Variants in GRIK3 observed in about 807,000 individuals in gnomAD.
GRIK3 encodes glutamate ionotropic receptor kainate type subunit 3, also known as glutamate receptor ionotropic, kainate 3.
A neutral mutation model predicts 102.5 loss-of-function variants in GRIK3; 29 were observed. The observed-to-expected ratio is 0.28, with a 90% confidence interval of 0.21 to 0.39. GRIK3 has a LOEUF of 0.39. GRIK3 is among the 10% of genes least tolerant of loss of function. The pLI, the probability that GRIK3 is intolerant of heterozygous loss-of-function variation, is 1.00. For synonymous variants in GRIK3, 511 were observed against 504.9 expected (o/e 1.01, Z -0.16); for missense variants, 908 against 1,252.4 (o/e 0.73, Z 4.15).
chr1:36,909,714 G>T (rs1240498914), intron 1 of GRIK3, among the ~76,000 whole-genome samples: 9 of 152,108 alleles, frequency 5.9e-5, no homozygotes, highest in Non-Finnish European at 2.9e-5. Flanking sequence ...GGCTCTGAGT[G>T]TGGCAAGAAA....
chr1:37,017,593 C>A (rs1272001851), intron 1 of GRIK3, among the ~76,000 whole-genome samples: 2 of 152,020 alleles, frequency 1.3e-5, no homozygotes, highest in African/African-American at 4.8e-5. Flanking sequence ...CACAGTTGGG[C>A]GTGCCTAGAA....
intron 1 of GRIK3, among the ~76,000 whole-genome samples, chr1:36,926,649 A>G (rs1641531129): frequency 6.6e-6 from 1 of 152,058 alleles, no homozygotes. Context: ...TTGGCCTCCC[A>G]AAGTGCTGGG....
intron 1 of GRIK3, among the ~76,000 whole-genome samples, chr1:37,004,631 C>A (rs918564488): frequency 3.9e-5 from 6 of 152,234 alleles, no homozygotes; most frequent in Admixed American, 1.3e-4. Flanking sequence ...GGTCCCTCCC[C>A]AAGCTTCATG....
At position 36,806,222 on chromosome 1, in the gene GRIK3, G is replaced by A. The variant is rs376711051; in HGVS notation, c.2196C>T (p.Ala732=). ...NEEGIQRALT[A]DYALLMESTT... is the part of the protein sequence containing the mutation. ...TGGACTCCATGAGCAGCGCGTAGTC[G>A]GCCGTCAGGGCCCTCTGGATGCCCT... is the stretch of plus-strand genomic sequence containing the variant. The change falls in exon 14 of 16, where the codon GCC becomes GCT. Residue 732 remains alanine, a synonymous_variant. Coordinates refer to ENST00000373091, the MANE Select transcript of GRIK3 (RefSeq NM_000831.4). The surrounding 1 kb of genome is among the most constrained non-coding windows in gnomAD (Gnocchi z 4.0). 1.5e-5 allele frequency: 25 copies of A among 1,613,912 alleles called. No homozygotes were observed. Among genetic ancestry groups the A allele is most frequent in the Admixed American group, 8.3e-5 (5 of 60,012 alleles).
intron 1 of GRIK3, among the ~76,000 whole-genome samples, chr1:36,939,537 C>A (rs1641697417): frequency 6.6e-6 from 1 of 152,248 alleles, no homozygotes; most frequent in African/African-American, 2.4e-5. Flanking sequence ...TGGCACAACA[C>A]AGCATGTGAG....
chr1:36,962,988 G>A (rs1376214454), intron 1 of GRIK3, among the ~76,000 whole-genome samples: 1 of 152,032 alleles, frequency 6.6e-6, no homozygotes, highest in East Asian at 1.9e-4. Context: ...CAAGGGCAAT[G>A]CAAAGGACAG....
chr1:36,805,924 G>A (rs188319652), intron 14 of GRIK3, among the ~76,000 whole-genome samples, 180 bp downstream of exon 14: 1,093 of 47,124 alleles, frequency 0.023, 19 homozygotes, highest in African/African-American at 0.083. Flanking sequence ...CAACAAAAGC[G>A]AAACTCCACC....
At chr1:36,973,260 C>T (rs1642162647) in intron 1 of GRIK3, among the ~76,000 whole-genome samples, 1 of 152,124 alleles carries the variant, frequency 6.6e-6, no homozygotes, top group South Asian at 2.1e-4. Flanking sequence ...CCTGCGTTGG[C>T]GGCGCTGGAC....
At chr1:36,982,118 G>A (rs1015702131) in intron 1 of GRIK3, among the ~76,000 whole-genome samples, 1 of 152,282 alleles carries the variant, frequency 6.6e-6, no homozygotes. Context: ...AGCCAGGACA[G>A]GTTAGGACAT....
At position 36,859,248 on chromosome 1, in the gene GRIK3, C is replaced by T; in HGVS notation, c.964G>A (p.Asp322Asn). ...SGLLDGVMMT[D>N]AALLYDAVHI... ...ACGGCGTCGTACAGTAAGGCTGCAT[C>T]AGTCTGCAGGGAAGGGCCTGCCTGA... Residue 322 changes from aspartate (D) to asparagine (N), a missense_variant, in exon 7 of 16, where the codon GAT becomes AAT. This residue lies in a region of GRIK3 where 585 missense variants were observed against 824.9 expected (regional missense o/e 0.71). Coordinates refer to ENST00000373091, the MANE Select transcript of GRIK3 (RefSeq NM_000831.4). The T allele has an allele frequency of 6.2e-7, 1 of 1,606,030 alleles. No homozygotes were observed. The highest frequency in any genetic ancestry group is 8.5e-7 in the Non-Finnish European group (1 of 1,174,020).
intron 1 of GRIK3, among the ~76,000 whole-genome samples, chr1:37,029,621 T>C (rs1642799796): frequency 6.6e-6 from 1 of 152,202 alleles, no homozygotes; most frequent in South Asian, 2.1e-4. Flanking sequence ...CTTATACTTC[T>C]CTCAAGAGGA....
chr1:36,983,134 C>T (rs936828936), intron 1 of GRIK3, among the ~76,000 whole-genome samples: 1 of 152,170 alleles, frequency 6.6e-6, no homozygotes, highest in African/African-American at 2.4e-5. Flanking sequence ...TGTGCACACC[C>T]GAGCAGCATG....
chr1:36,858,598 G>C (rs1261334682), intron 7 of GRIK3, among the ~76,000 whole-genome samples: 1 of 152,202 alleles, frequency 6.6e-6, no homozygotes, highest in Non-Finnish European at 1.5e-5. Context: ...GGGGGTGCTG[G>C]CTGGGAAGTT....
chr1:36,976,607 C>T (rs1006990383), intron 1 of GRIK3, among the ~76,000 whole-genome samples: 3 of 152,016 alleles, frequency 2.0e-5, no homozygotes, highest in African/African-American at 7.2e-5. Context: ...AGGATTGGGA[C>T]CCAGGAGGTA....
At chr1:36,971,291 T>C (rs1389080927) in intron 1 of GRIK3, among the ~76,000 whole-genome samples, 1 of 152,180 alleles carries the variant, frequency 6.6e-6, no homozygotes, top group Non-Finnish European at 1.5e-5. Context: ...GAGGGCTTTA[T>C]TCAAGAGCTT....
intron 1 of GRIK3, among the ~76,000 whole-genome samples, chr1:36,974,630 C>T (rs932169118): frequency 1.2e-4 from 18 of 151,926 alleles, no homozygotes; most frequent in Non-Finnish European, 2.2e-4. Context: ...AACCCCATCT[C>T]TACTAAAAAT....
chr1:36,850,952 A>G lies in GRIK3; in HGVS notation c.1213-528T>C, dbSNP rs1371182445. Among the ~76,000 whole-genome samples the G allele has an allele frequency of 2.0e-5, 3 of 152,180 alleles. No homozygotes were observed. The highest frequency in any genetic ancestry group is 7.2e-5 in the African/African-American group (3 of 41,422). ...CAGACACACAGACTAAGGTAGAATA[A>G]TCTCTCTCTCTACAGCGTCCTTGTG... On this transcript the variant is annotated intron_variant, in intron 8 of 15. Coordinates refer to ENST00000373091, the MANE Select transcript of GRIK3 (RefSeq NM_000831.4). The surrounding 1 kb of genome is among the most constrained non-coding windows in gnomAD (Gnocchi z 4.0).
chr1:36,845,309 A>G (rs1384440120), intron 9 of GRIK3, among the ~76,000 whole-genome samples: 1 of 152,200 alleles, frequency 6.6e-6, no homozygotes, highest in Non-Finnish European at 1.5e-5. Flanking sequence ...ACGCTCTTCT[A>G]TTGCTCTGGG....
chr1:36,999,605 C>T (rs566898309), intron 1 of GRIK3, among the ~76,000 whole-genome samples: 1 of 152,240 alleles, frequency 6.6e-6, no homozygotes, highest in Admixed American at 6.5e-5. Flanking sequence ...CAGCCCCCTC[C>T]CCTAGAAGCA....
Sources: gnomAD v4.1 joint callset for allele counts (sites outside exome capture counted in the v4.1 genomes callset) on GRCh38, gnomAD v4.1.1 for gene constraint, gnomAD v4.1.1 regional missense constraint, Gnocchi (gnomAD v3.1) non-coding constraint, MANE v1.5 for transcripts, NCBI Gene and HGNC (gene_info 2026-07-23, HGNC 2026-07-21) for gene names.